AKAP13: variants seen among roughly 807,000 people sequenced by gnomAD.
AKAP13 encodes A-kinase anchoring protein 13, also known as A-kinase anchor protein 13.
AKAP13 carries 80 observed loss-of-function variants against 264.5 expected under a neutral mutation model. The observed-to-expected ratio is 0.30, with a 90% CI of 0.25 to 0.36. The LOEUF (loss-of-function observed/expected upper bound fraction) is 0.36, where lower values mean the gene tolerates loss of function less well. Among genes scored for constraint, AKAP13 ranks in the 10% least tolerant of loss-of-function variants. The pLI, the probability that AKAP13 is intolerant of heterozygous loss-of-function variation, is 1.00. For missense variants in AKAP13, 3,712 were observed against 3,435.2 expected (o/e 1.08, Z -2.01); for synonymous variants, 1,380 against 1,250.2 (o/e 1.10, Z -2.19).
At chr15:85,672,331 A>G (rs1395625167) in intron 14 of AKAP13, among the ~76,000 whole-genome samples, 2 of 152,256 alleles carry the variant, frequency 1.3e-5, no homozygotes, top group East Asian at 1.9e-4. Flanking sequence ...TTCCTCCTAT[A>G]TACAATTAAA....
intron 9 of AKAP13, among the ~76,000 whole-genome samples, chr15:85,641,258 A>G (rs1310583148): frequency 6.6e-6 from 1 of 151,686 alleles, no homozygotes; most frequent in African/African-American, 2.4e-5. Context: ...CAGCCTGGCC[A>G]GTATGGTGAA....
At chr15:85,410,144 A>G (rs942015515) in intron 1 of AKAP13, among the ~76,000 whole-genome samples, 2 of 151,292 alleles carry the variant, frequency 1.3e-5, no homozygotes, top group African/African-American at 4.9e-5. Context: ...CTTTTGAGTA[A>G]TGTCTCCTTC....
At chr15:85,620,026 T>G in intron 8 of AKAP13, 2 of 1,532,976 alleles carry the variant, frequency 1.3e-6, no homozygotes, top group Non-Finnish European at 1.7e-6. Context: ...GGACTTGCAC[T>G]GGTCCCCAAG....
At chr15:85,499,450 A>G (rs1265932653) in intron 2 of AKAP13, among the ~76,000 whole-genome samples, 1 of 152,194 alleles carries the variant, frequency 6.6e-6, no homozygotes, top group South Asian at 2.1e-4. Context: ...GAGGTTGTAG[A>G]CGGGCTGCTG....
At chr15:85,707,448 G>A (rs530681217) in intron 17 of AKAP13, among the ~76,000 whole-genome samples, 1 of 152,314 alleles carries the variant, frequency 6.6e-6, no homozygotes, top group South Asian at 2.1e-4. Context: ...TGTGGTTCCT[G>A]TCTCAGAGAA....
At chr15:85,635,872 A>T (rs558672067) in intron 8 of AKAP13, among the ~76,000 whole-genome samples, 11 of 152,266 alleles carry the variant, frequency 7.2e-5, no homozygotes, top group Admixed American at 2.0e-4. Flanking sequence ...TCAGGAATCA[A>T]TGGGCCATAT....
intron 13 of AKAP13, among the ~76,000 whole-genome samples, chr15:85,666,298 G>T (rs1181523039): frequency 6.6e-6 from 1 of 151,810 alleles, no homozygotes; most frequent in Non-Finnish European, 1.5e-5. Flanking sequence ...ATTTTTTCAT[G>T]TGTCTGTTGG....
At chr15:85,693,121 A>AAAAAC (rs1456864931) in intron 16 of AKAP13, 156 bp from the exon 17 acceptor site, 8 of 1,326,172 alleles carry the variant, frequency 6.0e-6, no homozygotes, top group Middle Eastern at 2.7e-4. Flanking sequence ...CTTAATTTAA[A>AAAAAC]AAAACAAAAC....
intron 5 of AKAP13, among the ~76,000 whole-genome samples, chr15:85,569,405 G>A (rs1163216913): frequency 6.6e-6 from 1 of 151,040 alleles, no homozygotes; most frequent in Admixed American, 6.6e-5. Context: ...TGGCAAATAA[G>A]AATACATTTT....
intron 8 of AKAP13, among the ~76,000 whole-genome samples, chr15:85,623,165 T>A (rs10438417): frequency 6.6e-6 from 1 of 152,042 alleles, no homozygotes; most frequent in Non-Finnish European, 1.5e-5. Flanking sequence ...TCATGTGCAC[T>A]TTCTCCACTT....
intron 8 of AKAP13, among the ~76,000 whole-genome samples, chr15:85,609,112 T>G (rs532990370): frequency 1.6e-4 from 25 of 152,294 alleles, no homozygotes; most frequent in African/African-American, 5.5e-4. Flanking sequence ...CGTTAATTAT[T>G]TCTTAATGAT....
At chr15:85,479,531 G>A (rs1282493196) in intron 1 of AKAP13, among the ~76,000 whole-genome samples, 2 of 152,230 alleles carry the variant, frequency 1.3e-5, no homozygotes, top group African/African-American at 4.8e-5. Flanking sequence ...CCAGACAGCT[G>A]CTGTCTGCCT....
intron 14 of AKAP13, among the ~76,000 whole-genome samples, chr15:85,681,687 T>C (rs926198159): frequency 6.6e-6 from 1 of 151,998 alleles, no homozygotes; most frequent in South Asian, 2.1e-4. Flanking sequence ...TTTGCTAATC[T>C]ATTTCTAGCA....
rs1388442319 is a variant in AKAP13 at position 85,579,954 on chromosome 15, T to C, written c.1886T>C (p.Val629Ala). The C allele has an allele frequency of 1.2e-6, 2 of 1,614,204 alleles. No individual in the cohort carries two copies. The highest frequency in any genetic ancestry group is 2.2e-5 in the East Asian group (1 of 44,894). Residue 629 changes from valine to alanine, a missense_variant, in exon 7 of 37, where the codon GTA (valine) becomes GCA (alanine). Transcript: ENST00000394518. Reference sequence around the variant, plus strand: ...GCCCTTCTTGGGCTGGAAGAAGATGTAATGCCACACCAGAACTCAGAAACA... The same window carrying C: ...GCCCTTCTTGGGCTGGAAGAAGATGCAATGCCACACCAGAACTCAGAAACA... ...DLALLGLEED[V>A]MPHQNSETNS...
intron 1 of AKAP13, among the ~76,000 whole-genome samples, chr15:85,385,749 G>A (rs1001285293): frequency 1.3e-5 from 2 of 152,066 alleles, no homozygotes; most frequent in Admixed American, 6.5e-5. Context: ...ATGAGTTTTT[G>A]TATATACTTT....
At chr15:85,539,335 A>T (rs2077508854) in intron 4 of AKAP13, among the ~76,000 whole-genome samples, 1 of 152,138 alleles carries the variant, frequency 6.6e-6, no homozygotes, top group African/African-American at 2.4e-5. Context: ...TCATTTTTCC[A>T]CAACTGCATT....
chr15:85,691,930 C>A, intron 16 of AKAP13: 1 of 464,894 alleles, frequency 2.2e-6, no homozygotes, highest in East Asian at 6.7e-5. Context: ...TTCCTGCCTT[C>A]CTGCACCCCT....
chr15:85,558,638 T>C (rs545868060), intron 5 of AKAP13, among the ~76,000 whole-genome samples: 1 of 152,358 alleles, frequency 6.6e-6, no homozygotes, highest in South Asian at 2.1e-4. Flanking sequence ...ATGGAACACA[T>C]CGCTTCTCCA....
In AKAP13 at chr15:85,731,217, G is replaced by A. The variant is rs370708816; in HGVS notation, c.7282+510G>A. Among the ~76,000 whole-genome samples, 30 of 152,072 alleles carry A rather than the reference G, an allele frequency of 2.0e-4. No homozygotes were observed. The East Asian group carries it at 5.2e-3, about 26-fold the overall frequency. On this transcript the variant is annotated intron_variant, in intron 30 of 36. Transcript: ENST00000394518. ...TACAGGGTTTCACCATGTTGGCCAAGCTGGTCTCAAACTCCTGACCTCAAG... is the reference window on the plus strand; with the variant it reads ...TACAGGGTTTCACCATGTTGGCCAAACTGGTCTCAAACTCCTGACCTCAAG...
Sources: allele counts gnomAD v4.1 joint callset (sites outside exome capture counted in the v4.1 genomes callset), GRCh38; gene constraint gnomAD v4.1.1; transcripts MANE v1.5; gene names NCBI Gene and HGNC (gene_info 2026-07-23, HGNC 2026-07-21).